SMIM41: variants seen among roughly 807,000 people sequenced by gnomAD.
SMIM41 encodes small integral membrane protein 41.
Position 52,107,460 on chromosome 12 carries a change from G to C in SMIM41, c.*277G>C. On this transcript the variant is annotated 3_prime_UTR_variant, in exon 3 of 3. Transcript: ENST00000546390. Reference sequence around the variant, plus strand: ...GCCTGGTCATGGTGCTGGGGAACCTGCTCATCATCCGGCCATGAGCCCTGA... The same window carrying C: ...GCCTGGTCATGGTGCTGGGGAACCTCCTCATCATCCGGCCATGAGCCCTGA... 1.6e-6 allele frequency: 1 copy of C among 614,336 alleles called. No homozygotes were observed. Among genetic ancestry groups the C allele is most frequent in the Admixed American group, 1.9e-5 (1 of 53,796 alleles). 38.1% of individuals were successfully genotyped at this position (614,336 alleles called of 1,614,324 possible). A position where few individuals can be genotyped will look rare whatever the true frequency, so the allele number is the denominator to read the frequency against.
At chr12:52,090,453 G>A (rs1449560393) in intron 2 of SMIM41, among the ~76,000 whole-genome samples, 1 of 151,002 alleles carries the variant, frequency 6.6e-6, no homozygotes, top group African/African-American at 2.4e-5. Flanking sequence ...GGGCGGGGGG[G>A]AAGCACTCCA....
intron 2 of SMIM41, chr12:52,104,116 GT>G (rs1940278014): frequency 6.6e-6 from 1 of 152,092 alleles, no homozygotes; most frequent in South Asian, 2.1e-4. Flanking sequence ...AATTAAAGCA[GT>G]TGGATCTTTA....
chr12:52,096,538 T>C (rs987437046), intron 2 of SMIM41, among the ~76,000 whole-genome samples: 6 of 151,936 alleles, frequency 3.9e-5, no homozygotes, highest in African/African-American at 1.2e-4. Context: ...AATATTAATA[T>C]TAAGAAATAA....
At chr12:52,105,262 T>G (rs1487952227) in intron 2 of SMIM41, among the ~76,000 whole-genome samples, 1 of 152,206 alleles carries the variant, frequency 6.6e-6, no homozygotes, top group East Asian at 1.9e-4. Context: ...ACATCAAAGA[T>G]TCCAGAAAGA....
intron 2 of SMIM41, among the ~76,000 whole-genome samples, chr12:52,091,279 T>C (rs1939998554): frequency 1.3e-5 from 2 of 152,212 alleles, no homozygotes; most frequent in South Asian, 2.1e-4. Context: ...CAGGGAGCTG[T>C]CCTCAGCCTG....
At chr12:52,093,929 G>T (rs1260109976) in intron 2 of SMIM41, among the ~76,000 whole-genome samples, 1 of 152,042 alleles carries the variant, frequency 6.6e-6, no homozygotes, top group Non-Finnish European at 1.5e-5. Context: ...TCAGAATTTT[G>T]AGAACAGCCT....
chr12:52,107,624 G>T lies in SMIM41; in HGVS notation c.*441G>T. ...GAGTCATCTCCTATGCAGGCTGCCT[G>T]ACTCAGAAGTCTCTCTTTGCCATTT... On this transcript the variant is annotated 3_prime_UTR_variant, in exon 3 of 3. Transcript: ENST00000546390. The T allele has an allele frequency of 1.7e-6, 1 of 600,030 alleles. No individual in the cohort carries two copies. Among genetic ancestry groups the T allele is most frequent in the South Asian group, 1.4e-5 (1 of 69,860 alleles). The allele number at this position is 600,030 out of a possible 1,614,324, so 37.2% of individuals were successfully genotyped here.
At chr12:52,096,956 G>A (rs1940108539) in intron 2 of SMIM41, among the ~76,000 whole-genome samples, 1 of 152,038 alleles carries the variant, frequency 6.6e-6, no homozygotes. Context: ...TCCAGGCGGG[G>A]AGAGGACGGT....
At position 52,081,359 on chromosome 12, in the gene SMIM41, G is replaced by T. The variant is rs902217903; in HGVS notation, c.*120+1178G>T. 6.6e-6 allele frequency among the ~76,000 whole-genome samples: 1 copy of T among 152,100 alleles called. No individual in the cohort carries two copies. The highest frequency in any genetic ancestry group is 2.4e-5 in the African/African-American group (1 of 41,418). On this transcript the variant is annotated intron_variant, in intron 1 of 2. Transcript: ENST00000546390. This position sits in a 1 kb window ranked among gnomAD's most constrained non-coding sequence, Gnocchi z 4.1. Reference sequence around the variant, plus strand: ...GGAGTCAGGCTGAGTGCCTGTGAGGGGCAGCGGGAGGGTGTGGGCAGGTGC... The same window carrying T: ...GGAGTCAGGCTGAGTGCCTGTGAGGTGCAGCGGGAGGGTGTGGGCAGGTGC...
intron 2 of SMIM41, chr12:52,092,361 C>T (rs560174824): frequency 2.6e-5 from 4 of 152,180 alleles, no homozygotes; most frequent in Non-Finnish European, 5.9e-5. Flanking sequence ...TTATGTCCCA[C>T]TTCTCCTCCC....
rs922192848 is a variant in SMIM41 at position 52,086,785 on chromosome 12, G to A, written c.*195+2817G>A. On this transcript the variant is annotated intron_variant, in intron 2 of 2. Coordinates refer to ENST00000546390, the MANE Select transcript of SMIM41 (RefSeq NM_001369216.1). Reference sequence around the variant, plus strand: ...ACCTCTTTTACCTCTGCTTCCTCCCGGACCCTCAGCCTATTCCGGCTGCCC... The same window carrying A: ...ACCTCTTTTACCTCTGCTTCCTCCCAGACCCTCAGCCTATTCCGGCTGCCC... 6.1e-4 allele frequency among the ~76,000 whole-genome samples: 93 copies of A among 152,110 alleles called. 1 individual carries two copies. The highest frequency in any genetic ancestry group is 1.9e-3 in the African/African-American group (79 of 41,404).
intron 2 of SMIM41, among the ~76,000 whole-genome samples, chr12:52,090,743 T>C (rs1340086878): frequency 6.6e-6 from 1 of 152,210 alleles, no homozygotes; most frequent in Non-Finnish European, 1.5e-5. Flanking sequence ...GAGGAAAGAC[T>C]GGGCAGCCAG....
intron 2 of SMIM41, among the ~76,000 whole-genome samples, chr12:52,100,622 A>ATTTTTTTTTTT (rs1173057236): frequency 5.8e-3 from 640 of 111,136 alleles, no homozygotes; most frequent in East Asian, 0.015. Flanking sequence ...GCGCCCAGCT[A>ATTTTTTTTTTT]TTTTTTTTTT....
chr12:52,095,929 A>G (rs149256746), intron 2 of SMIM41, among the ~76,000 whole-genome samples: 3,547 of 152,066 alleles, frequency 0.023, 62 homozygotes, highest in South Asian at 0.074. Flanking sequence ...TTTCTGTGAT[A>G]TTGGGAGTAA....
chr12:52,101,408 GAA>G (rs1169550526), intron 2 of SMIM41, among the ~76,000 whole-genome samples: 1 of 152,148 alleles, frequency 6.6e-6, no homozygotes, highest in Non-Finnish European at 1.5e-5. Context: ...CTGGGCAACA[GAA>G]AGAGACTCCA....
rs61915190 is a variant in SMIM41 at position 52,093,600 on chromosome 12, G to A, written c.*195+9632G>A. ...AAAGGCCTGACTTGCTGTCTCTGCT[G>A]GGAAGTTGGCTGTATTGGCCGAGAG... is the stretch of plus-strand genomic sequence containing the variant. On this transcript the variant is annotated intron_variant, in intron 2 of 2. Coordinates refer to ENST00000546390, the MANE Select transcript of SMIM41 (RefSeq NM_001369216.1). 1,122 of 152,276 alleles carry A rather than the reference G, an allele frequency of 7.4e-3. 2 individuals are homozygous for A. The highest frequency in any genetic ancestry group is 0.011 in the Admixed American group (161 of 15,294). The allele number at this position is 152,276 out of a possible 1,614,324, so 9.4% of individuals were successfully genotyped here. A position where few individuals can be genotyped will look rare whatever the true frequency, so the allele number is the denominator to read the frequency against.
At chr12:52,095,866 A>G (rs1387273145) in intron 2 of SMIM41, among the ~76,000 whole-genome samples, 1 of 152,002 alleles carries the variant, frequency 6.6e-6, no homozygotes, top group Non-Finnish European at 1.5e-5. Context: ...GGGGGGTAGT[A>G]TCATCTTCTC....
intron 2 of SMIM41, among the ~76,000 whole-genome samples, chr12:52,102,239 T>C (rs1940229876): frequency 1.3e-5 from 2 of 152,144 alleles, no homozygotes; most frequent in Non-Finnish European, 2.9e-5. Context: ...ACAAACTGGA[T>C]CAAAGACCTC....
At chr12:52,094,777 G>A (rs1940061344) in intron 2 of SMIM41, 2 of 152,324 alleles carry the variant, frequency 1.3e-5, no homozygotes, top group Admixed American at 1.3e-4. Context: ...CTCTCCTCTG[G>A]GTCTCTCATT....
Sources: allele counts gnomAD v4.1 joint callset (sites outside exome capture counted in the v4.1 genomes callset), GRCh38; gene constraint gnomAD v4.1.1; non-coding constraint Gnocchi (gnomAD v3.1); transcripts MANE v1.5; gene names NCBI Gene and HGNC (gene_info 2026-07-23, HGNC 2026-07-21).